TPST1: variants seen among roughly 807,000 people sequenced by gnomAD.
TPST1 encodes the protein tyrosylprotein sulfotransferase 1.
In TPST1, 20 loss-of-function variants were observed where a neutral mutation model predicts 34.8. The observed-to-expected ratio is 0.57, with a 90% CI of 0.40 to 0.84. The LOEUF is 0.84. Ranked by LOEUF, TPST1 falls within the 40% of genes least tolerant of loss-of-function variation. TPST1 has a pLI of 0.00. For missense variants in TPST1, 353 were observed against 455.5 expected (o/e 0.78, Z 2.05); for synonymous variants, 152 against 159.4 (o/e 0.95, Z 0.35).
At chr7:66,255,499 A>C (rs570399399) in intron 2 of TPST1, among the ~76,000 whole-genome samples, 153 of 152,302 alleles carry the variant, frequency 1.0e-3, no homozygotes, top group African/African-American at 3.5e-3. Flanking sequence ...GCCAGTATTT[A>C]ACTCCTTTCC....
intron 2 of TPST1, among the ~76,000 whole-genome samples, chr7:66,251,707 C>A (rs1212406482): frequency 6.6e-6 from 1 of 151,886 alleles, no homozygotes; most frequent in Non-Finnish European, 1.5e-5. Context: ...CATGTTTTCC[C>A]TTTTTCCTTT....
At chr7:66,284,551 CTTTT>C (rs5884585) in intron 2 of TPST1, among the ~76,000 whole-genome samples, 3 of 77,058 alleles carry the variant, frequency 3.9e-5, no homozygotes, top group African/African-American at 5.4e-5. Flanking sequence ...ACTGTCTTAG[CTTTT>C]TTTTTTTTTT....
intron 3 of TPST1, among the ~76,000 whole-genome samples, chr7:66,320,250 T>C (rs975892539): frequency 1.1e-4 from 16 of 143,302 alleles, no homozygotes; most frequent in Admixed American, 6.2e-4. Context: ...TTTTTCTTTT[T>C]TTTTTTTTTT....
intron 1 of TPST1, among the ~76,000 whole-genome samples, chr7:66,208,669 A>G (rs928627275): frequency 5.3e-5 from 8 of 151,766 alleles, no homozygotes; most frequent in African/African-American, 1.9e-4. Flanking sequence ...GGGTTTCATC[A>G]TGTTGGACAG....
intron 1 of TPST1, among the ~76,000 whole-genome samples, chr7:66,239,045 C>G (rs921852684): frequency 3.3e-5 from 5 of 152,226 alleles, no homozygotes; most frequent in African/African-American, 1.2e-4. Flanking sequence ...TGTTTGCAGC[C>G]TATACACTAG....
At chr7:66,351,024 A>G (rs1405501732) in intron 3 of TPST1, among the ~76,000 whole-genome samples, 1 of 152,074 alleles carries the variant, frequency 6.6e-6, no homozygotes, top group Non-Finnish European at 1.5e-5. Flanking sequence ...GCTCATAATC[A>G]CTACTGATAT....
At chr7:66,343,286 G>T (rs1040066613) in intron 3 of TPST1, among the ~76,000 whole-genome samples, 5 of 152,184 alleles carry the variant, frequency 3.3e-5, no homozygotes, top group African/African-American at 4.8e-5. Flanking sequence ...ATTATCCTAA[G>T]TGAATTAATG....
intron 2 of TPST1, among the ~76,000 whole-genome samples, chr7:66,266,872 G>T (rs960639939): frequency 1.3e-5 from 2 of 152,046 alleles, no homozygotes; most frequent in African/African-American, 4.8e-5. Context: ...TATTCTAGGG[G>T]GCTGACTGGG....
intron 3 of TPST1, among the ~76,000 whole-genome samples, chr7:66,328,868 C>G (rs1203707130): frequency 4.8e-5 from 1 of 20,886 alleles, no homozygotes; most frequent in African/African-American, 2.3e-4. Flanking sequence ...CGCTCTCTCT[C>G]TCTCTCTCTC....
chr7:66,214,995 AAATATT>A (rs1789360588), intron 1 of TPST1, among the ~76,000 whole-genome samples: 1 of 146,612 alleles, frequency 6.8e-6, no homozygotes, highest in African/African-American at 2.5e-5. Flanking sequence ...TTAACTATAT[AAATATT>A]AATATGTTTT....
At chr7:66,304,821 C>T (rs946395403) in intron 3 of TPST1, among the ~76,000 whole-genome samples, 1 of 146,636 alleles carries the variant, frequency 6.8e-6, no homozygotes, top group Non-Finnish European at 1.5e-5. Flanking sequence ...TAGCCATTTC[C>T]TTTTTTTTTT....
At chr7:66,297,345 A>T (rs148869508) in intron 3 of TPST1, among the ~76,000 whole-genome samples, 26 of 152,300 alleles carry the variant, frequency 1.7e-4, no homozygotes, top group Non-Finnish European at 3.2e-4. Context: ...TATTTTCTAA[A>T]CTTGTTCCCT....
intron 1 of TPST1, among the ~76,000 whole-genome samples, chr7:66,210,013 T>C (rs1789210987): frequency 6.6e-6 from 1 of 152,034 alleles, no homozygotes; most frequent in Admixed American, 6.6e-5. Flanking sequence ...GGTAGCATTG[T>C]AGAGAACAGG....
intron 3 of TPST1, among the ~76,000 whole-genome samples, chr7:66,294,333 T>G (rs977474520): frequency 6.6e-6 from 1 of 152,212 alleles, no homozygotes. Flanking sequence ...GATATTCTCT[T>G]GTTTATATCA....
At chr7:66,214,921 A>G (rs1165927402) in intron 1 of TPST1, among the ~76,000 whole-genome samples, 1 of 147,010 alleles carries the variant, frequency 6.8e-6, no homozygotes, top group Non-Finnish European at 1.5e-5. Flanking sequence ...ATATATTTTT[A>G]TAGATATACA....
chr7:66,329,584 C>T (rs1791955930), intron 3 of TPST1, among the ~76,000 whole-genome samples: 1 of 152,176 alleles, frequency 6.6e-6, no homozygotes, highest in African/African-American at 2.4e-5. Flanking sequence ...ACTGGCGTTT[C>T]TCCAGTATAT....
intron 4 of TPST1, among the ~76,000 whole-genome samples, chr7:66,355,489 AAAAC>A (rs1295676693): frequency 1.1e-4 from 17 of 152,072 alleles, no homozygotes; most frequent in Non-Finnish European, 2.2e-4. Flanking sequence ...AAAAAAACAA[AAAAC>A]AAACAAACAA....
intron 2 of TPST1, among the ~76,000 whole-genome samples, chr7:66,279,040 A>G (rs1321320862): frequency 1.3e-5 from 2 of 152,072 alleles, no homozygotes; most frequent in Admixed American, 6.6e-5. Flanking sequence ...CCCAGGTAAT[A>G]AGCATAGTAC....
intron 2 of TPST1, among the ~76,000 whole-genome samples, chr7:66,261,838 C>T (rs1790495586): frequency 6.6e-6 from 1 of 152,048 alleles, no homozygotes; most frequent in African/African-American, 2.4e-5. Flanking sequence ...GGTTTAAATG[C>T]ATTAATAATA....
Sources: allele counts gnomAD v4.1 joint callset (sites outside exome capture counted in the v4.1 genomes callset), GRCh38; gene constraint gnomAD v4.1.1; transcripts MANE v1.5; gene names NCBI Gene and HGNC (gene_info 2026-07-23, HGNC 2026-07-21).